Variants in CADPS2 observed in about 807,000 individuals in gnomAD.
The protein encoded by CADPS2 is calcium dependent secretion activator 2, also known as calcium-dependent secretion activator 2.
CADPS2 carries 93 observed loss-of-function variants against 172.5 expected under a neutral mutation model. That is an observed-to-expected ratio of 0.54 (90% CI 0.46 to 0.64). CADPS2 has a LOEUF of 0.64. Among genes scored for constraint, CADPS2 ranks in the 30% least tolerant of loss-of-function variants. The probability of loss-of-function intolerance (pLI) is 0.00; values close to 1 mark genes in which losing one functional copy is unlikely to be tolerated. For synonymous variants in CADPS2, 546 were observed against 555.2 expected (o/e 0.98, Z 0.23); for missense variants, 1,420 against 1,565.9 (o/e 0.91, Z 1.57).
chr7:122,868,985 C>A (rs952588289), intron 1 of CADPS2, among the ~76,000 whole-genome samples: 1 of 151,952 alleles, frequency 6.6e-6, no homozygotes, highest in Non-Finnish European at 1.5e-5. Flanking sequence ...AAGACAAAAT[C>A]ATTGGAAATC....
intron 2 of CADPS2, among the ~76,000 whole-genome samples, chr7:122,678,496 A>G (rs1200006421): frequency 6.6e-6 from 1 of 152,142 alleles, no homozygotes; most frequent in Non-Finnish European, 1.5e-5. Context: ...TTTTGTAAGG[A>G]TAATTTGGTG....
Position 122,589,601 on chromosome 7 carries a change from T to C in CADPS2, c.1224-8311A>G, listed in dbSNP as rs117349510. Among the ~76,000 whole-genome samples the C allele has an allele frequency of 9.7e-4, 148 of 152,048 alleles. 2 individuals are homozygous for C. In the East Asian group the frequency reaches 0.016, roughly 16 times the overall value. On this transcript the variant is annotated intron_variant, in intron 6 of 29. Coordinates refer to ENST00000449022, the MANE Select transcript of CADPS2 (RefSeq NM_017954.11). ...AAAAATGACGAAGATAAGTAAGTTT[T>C]CATGGGAACATGGGTGGCTGCTGAC...
intron 29 of CADPS2, among the ~76,000 whole-genome samples, chr7:122,324,245 C>G (rs1008892340): frequency 1.6e-4 from 25 of 152,036 alleles, no homozygotes; most frequent in Non-Finnish European, 2.9e-4. Context: ...GTAGATTTGC[C>G]AATTTCTGAC....
At chr7:122,639,146 A>T (rs1358959298) in intron 3 of CADPS2, among the ~76,000 whole-genome samples, 2 of 152,236 alleles carry the variant, frequency 1.3e-5, no homozygotes, top group African/African-American at 2.4e-5. Flanking sequence ...ATAAAAATTC[A>T]ACCAGTAATC....
At chr7:122,861,645 A>G (rs1816970341) in intron 1 of CADPS2, among the ~76,000 whole-genome samples, 1 of 152,214 alleles carries the variant, frequency 6.6e-6, no homozygotes, top group African/African-American at 2.4e-5. Flanking sequence ...AATGTATTGT[A>G]TATTTCAAAA....
At chr7:122,434,566 T>A (rs2050396926) in intron 17 of CADPS2, among the ~76,000 whole-genome samples, 1 of 152,166 alleles carries the variant, frequency 6.6e-6, no homozygotes, top group Non-Finnish European at 1.5e-5. Flanking sequence ...GACACAGTGG[T>A]GGGTGCTGGG....
intron 1 of CADPS2, among the ~76,000 whole-genome samples, chr7:122,844,917 A>G (rs924580190): frequency 6.6e-6 from 1 of 151,970 alleles, no homozygotes; most frequent in South Asian, 2.1e-4. Flanking sequence ...AAAAAAAAAA[A>G]TCATTTTATT....
intron 14 of CADPS2, among the ~76,000 whole-genome samples, chr7:122,469,288 C>G (rs1299958124): frequency 6.6e-6 from 1 of 152,134 alleles, no homozygotes; most frequent in African/African-American, 2.4e-5. Context: ...TTTTACCTTT[C>G]TGTGTGGATG....
chr7:122,790,240 A>T (rs900673177), intron 1 of CADPS2, among the ~76,000 whole-genome samples: 1 of 151,726 alleles, frequency 6.6e-6, no homozygotes, highest in African/African-American at 2.4e-5. Flanking sequence ...CTACAGAAAA[A>T]TTTTAAAAAT....
intron 27 of CADPS2, among the ~76,000 whole-genome samples, chr7:122,347,931 G>T (rs780730701): frequency 6.6e-6 from 1 of 152,190 alleles, no homozygotes; most frequent in Non-Finnish European, 1.5e-5. Context: ...GAACGAAAGT[G>T]ACATGAGAAC....
chr7:122,436,946 T>C (rs1181319490), intron 17 of CADPS2, among the ~76,000 whole-genome samples: 2 of 152,108 alleles, frequency 1.3e-5, no homozygotes, highest in Non-Finnish European at 2.9e-5. Context: ...AAATGATTCT[T>C]ACAGGTTTTT....
intron 9 of CADPS2, among the ~76,000 whole-genome samples, chr7:122,496,756 C>G (rs745729757): frequency 8.5e-5 from 13 of 152,172 alleles, no homozygotes; most frequent in Non-Finnish European, 1.9e-4. Context: ...TAACACATGA[C>G]TAGTTTTTTA....
chr7:122,335,375 G>A (rs1334420269), intron 28 of CADPS2, among the ~76,000 whole-genome samples: 1 of 152,018 alleles, frequency 6.6e-6, no homozygotes, highest in Non-Finnish European at 1.5e-5. Context: ...TCAGCCTCCC[G>A]AGTAGCTGGG....
intron 2 of CADPS2, among the ~76,000 whole-genome samples, chr7:122,695,848 A>G (rs377329543): frequency 6.6e-6 from 1 of 152,214 alleles, no homozygotes; most frequent in Admixed American, 6.5e-5. Flanking sequence ...GGAGGAGAAA[A>G]AAGAAAAGGA....
intron 17 of CADPS2, among the ~76,000 whole-genome samples, chr7:122,437,991 T>C (rs938309619): frequency 6.6e-6 from 1 of 152,142 alleles, no homozygotes; most frequent in Non-Finnish European, 1.5e-5. Context: ...ACACTGTTAC[T>C]GATCAGGAAA....
intron 11 of CADPS2, among the ~76,000 whole-genome samples, chr7:122,481,933 G>A (rs951909335): frequency 6.6e-6 from 1 of 152,118 alleles, no homozygotes; most frequent in African/African-American, 2.4e-5. Flanking sequence ...TTGGGAGGCT[G>A]AGGCACGAGA....
At chr7:122,621,283 ATAT>A (rs1293967708) in intron 5 of CADPS2, among the ~76,000 whole-genome samples, 195 bp downstream of exon 5, 9 of 152,168 alleles carry the variant, frequency 5.9e-5, no homozygotes, top group African/African-American at 2.2e-4. Context: ...TTTAATCCTA[ATAT>A]TGTTGTTATG....
At chr7:122,795,996 A>C (rs573473284) in intron 1 of CADPS2, among the ~76,000 whole-genome samples, 3 of 152,296 alleles carry the variant, frequency 2.0e-5, no homozygotes, top group Admixed American at 2.0e-4. Context: ...TAAGTTGATA[A>C]GCAACTTCAG....
chr7:122,453,271 G>A (rs921964779), intron 14 of CADPS2, among the ~76,000 whole-genome samples: 1 of 151,984 alleles, frequency 6.6e-6, no homozygotes, highest in African/African-American at 2.4e-5. Flanking sequence ...AAAGTCTAAC[G>A]CATAAATTAC....
Sources: gnomAD v4.1 joint callset for allele counts (sites outside exome capture counted in the v4.1 genomes callset) on GRCh38, gnomAD v4.1.1 for gene constraint, MANE v1.5 for transcripts, NCBI Gene and HGNC (gene_info 2026-07-23, HGNC 2026-07-21) for gene names.